Variants in POU6F2 observed in about 807,000 individuals in gnomAD.
The protein encoded by POU6F2 is POU domain, class 6, transcription factor 2.
Under a neutral mutation model 71.3 loss-of-function variants are expected in POU6F2, and 31 were observed. The ratio of observed to expected loss-of-function variants is 0.43; its 90% confidence interval spans 0.33 to 0.59. The LOEUF (loss-of-function observed/expected upper bound fraction) is 0.59. POU6F2 is among the 20% of genes least tolerant of loss of function. The pLI is 0.04. For missense variants in POU6F2, 783 were observed against 856.8 expected, an observed-to-expected ratio of 0.91 and a Z score of 1.07; for synonymous variants, 347 against 355.7, an observed-to-expected ratio of 0.98 and a Z score of 0.27.
At chr7:39,271,663 C>T (rs1356001782) in intron 4 of POU6F2, among the ~76,000 whole-genome samples, 1 of 152,100 alleles carries the variant, frequency 6.6e-6, no homozygotes, top group African/African-American at 2.4e-5. Flanking sequence ...ATTCCCGTCT[C>T]GTGGCTGAGC....
At chr7:39,076,770 C>G (rs990182435) in intron 1 of POU6F2, among the ~76,000 whole-genome samples, 4 of 152,168 alleles carry the variant, frequency 2.6e-5, no homozygotes, top group Non-Finnish European at 5.9e-5. Context: ...CTAAAACCCT[C>G]AGGGCTTCTC....
intron 2 of POU6F2, among the ~76,000 whole-genome samples, chr7:39,145,082 A>G (rs755612891): frequency 6.6e-6 from 1 of 152,232 alleles, no homozygotes; most frequent in African/African-American, 2.4e-5. Flanking sequence ...CACCTTCTTC[A>G]GATTTCTCTC....
At chr7:39,306,729 G>A (rs1254160288) in intron 4 of POU6F2, among the ~76,000 whole-genome samples, 1 of 152,170 alleles carries the variant, frequency 6.6e-6, no homozygotes, top group African/African-American at 2.4e-5. Context: ...AAAAGCCTAA[G>A]GACTTTCTTT....
At chr7:38,984,074 C>A (rs986632700) in intron 1 of POU6F2, among the ~76,000 whole-genome samples, 11 of 151,624 alleles carry the variant, frequency 7.3e-5, no homozygotes, top group East Asian at 1.9e-4. Flanking sequence ...AATTATAAGA[C>A]AAAAAAAATT....
intron 1 of POU6F2, among the ~76,000 whole-genome samples, chr7:39,031,676 T>C (rs1789945444): frequency 6.6e-6 from 1 of 151,590 alleles, no homozygotes; most frequent in Non-Finnish European, 1.5e-5. Flanking sequence ...TGACAAGGAG[T>C]TCGAGAGCAG....
chr7:39,144,166 A>G (rs1792565567), intron 2 of POU6F2, among the ~76,000 whole-genome samples: 1 of 152,222 alleles, frequency 6.6e-6, no homozygotes, highest in Admixed American at 6.5e-5. Context: ...CCTTTTAAAA[A>G]GAAAACTACT....
At chr7:39,186,618 A>G (rs1319801732) in intron 2 of POU6F2, among the ~76,000 whole-genome samples, 6 of 152,170 alleles carry the variant, frequency 3.9e-5, no homozygotes, top group Middle Eastern at 3.2e-3. Context: ...TGAAAATGAT[A>G]TCTTCCGCAC....
chr7:39,145,241 T>C (rs2128732727), intron 2 of POU6F2, among the ~76,000 whole-genome samples: 1 of 152,330 alleles, frequency 6.6e-6, no homozygotes, highest in Admixed American at 6.5e-5. Context: ...AATAAGTTCA[T>C]TGAGAAATCT....
At chr7:39,165,447 C>T (rs1465656301) in intron 2 of POU6F2, among the ~76,000 whole-genome samples, 3 of 152,234 alleles carry the variant, frequency 2.0e-5, no homozygotes, top group East Asian at 3.9e-4. Flanking sequence ...GTGGCAGTTT[C>T]GTTAACTATT....
At chr7:39,200,219 T>G (rs112877964) in intron 2 of POU6F2, among the ~76,000 whole-genome samples, 179 of 152,274 alleles carry the variant, frequency 1.2e-3, no homozygotes, top group African/African-American at 4.1e-3. Flanking sequence ...CTGGGTAACG[T>G]CTAAGCCACT....
intron 2 of POU6F2, among the ~76,000 whole-genome samples, chr7:39,101,939 T>G (rs1017948304): frequency 2.0e-5 from 3 of 152,218 alleles, no homozygotes; most frequent in Non-Finnish European, 4.4e-5. Context: ...AAGACTTTCT[T>G]TACAACAATT....
At chr7:39,280,038 C>T (rs371697136) in intron 4 of POU6F2, among the ~76,000 whole-genome samples, 11 of 152,070 alleles carry the variant, frequency 7.2e-5, no homozygotes, top group East Asian at 1.9e-4. Flanking sequence ...AGTCTCCGTG[C>T]CCAGCCCAAA....
intron 6 of POU6F2, among the ~76,000 whole-genome samples, chr7:39,415,070 C>A (rs1787643774): frequency 6.6e-6 from 1 of 152,166 alleles, no homozygotes; most frequent in Non-Finnish European, 1.5e-5. Context: ...GTTGCCTAGG[C>A]TGGAGTGCAA....
intron 1 of POU6F2, among the ~76,000 whole-genome samples, chr7:39,023,587 G>T (rs1789729010): frequency 6.6e-6 from 1 of 152,020 alleles, no homozygotes; most frequent in Admixed American, 6.6e-5. Context: ...ACAGAGTCAT[G>T]GTTGAGAAAT....
chr7:39,264,603 C>T (rs1015313703), intron 4 of POU6F2, among the ~76,000 whole-genome samples: 3 of 152,158 alleles, frequency 2.0e-5, no homozygotes, highest in Admixed American at 6.5e-5. Flanking sequence ...GTTATTTACC[C>T]GTCTGGCTCC....
intron 1 of POU6F2, among the ~76,000 whole-genome samples, chr7:39,026,164 A>T (rs1424876136): frequency 6.6e-6 from 1 of 151,784 alleles, no homozygotes; most frequent in African/African-American, 2.4e-5. Flanking sequence ...ACTGTAAACT[A>T]GTTCAACCAT....
chr7:39,324,124 A>G (rs1442125472), intron 4 of POU6F2, among the ~76,000 whole-genome samples: 1 of 151,994 alleles, frequency 6.6e-6, no homozygotes, highest in Non-Finnish European at 1.5e-5. Flanking sequence ...AAAAAAAGAA[A>G]AAAAAAAGGC....
chr7:39,359,700 G>A (rs1786334704), intron 5 of POU6F2, among the ~76,000 whole-genome samples: 1 of 151,952 alleles, frequency 6.6e-6, no homozygotes, highest in Admixed American at 6.6e-5. Context: ...CTGATGAGAG[G>A]TTTCCCAAAG....
intron 6 of POU6F2, among the ~76,000 whole-genome samples, chr7:39,421,492 C>G (rs969331167): frequency 6.6e-6 from 1 of 152,080 alleles, no homozygotes; most frequent in South Asian, 2.1e-4. Context: ...TTCTTAGAGG[C>G]TTGTTTTGTT....
Sources: gnomAD v4.1 joint callset for allele counts (sites outside exome capture counted in the v4.1 genomes callset) on GRCh38, gnomAD v4.1.1 for gene constraint, MANE v1.5 for transcripts, NCBI Gene and HGNC (gene_info 2026-07-23, HGNC 2026-07-21) for gene names.